ANO3: variants seen among roughly 807,000 people sequenced by gnomAD.
ANO3 encodes the protein anoctamin-3.
A neutral mutation model predicts 144.8 loss-of-function variants in ANO3; 99 were observed. The ratio of observed to expected loss-of-function variants is 0.68; its 90% confidence interval spans 0.58 to 0.81. The LOEUF is 0.81. ANO3 is among the 30% of genes least tolerant of loss of function. The probability of loss-of-function intolerance (pLI) is 0.00; values close to 1 mark genes in which losing one functional copy is unlikely to be tolerated. For synonymous variants in ANO3, 414 were observed against 392.6 expected (o/e 1.05, Z -0.64); for missense variants, 905 against 1,202.2 (o/e 0.75, Z 3.66).
chr11:26,514,698 C>T (rs897900527), intron 5 of ANO3, among the ~76,000 whole-genome samples: 7 of 152,116 alleles, frequency 4.6e-5, no homozygotes, highest in African/African-American at 9.6e-5. Context: ...TGATTTCAAA[C>T]GAAGGATCTT....
chr11:26,245,018 T>TGTGTGC lies in ANO3; in HGVS notation c.154+55691_154+55692insTGCGTG, dbSNP rs151031559. 3.1e-3 allele frequency among the ~76,000 whole-genome samples: 451 copies of TGTGTGC among 145,424 alleles called. 8 individuals carry two copies. The highest frequency in any genetic ancestry group is 3.5e-3 in the Middle Eastern group (1 of 284). On this transcript the variant is annotated intron_variant, in intron 1 of 27. Transcript: ENST00000672621. Reference sequence around the variant, plus strand: ...GTGTGTGTGTGTGTGTGTGTGTGTGTGTGCATGCATGCATTTGTCTTTCAT... The same window carrying TGTGTGC: ...GTGTGTGTGTGTGTGTGTGTGTGTGTGTGTGCGTGCATGCATGCATTTGTCTTTCAT...
At chr11:26,544,631 A>C (rs926124023) in intron 11 of ANO3, among the ~76,000 whole-genome samples, 1 of 151,954 alleles carries the variant, frequency 6.6e-6, no homozygotes, top group Non-Finnish European at 1.5e-5. Context: ...GAGGTAATGC[A>C]TATGTTAATT....
At chr11:26,595,300 CT>C (rs1364569580) in intron 14 of ANO3, among the ~76,000 whole-genome samples, 4 of 152,116 alleles carry the variant, frequency 2.6e-5, no homozygotes, top group Non-Finnish European at 5.9e-5. Context: ...CCAACATTGC[CT>C]TTGGCTCAGG....
chr11:26,476,119 C>T (rs867031638), intron 4 of ANO3, among the ~76,000 whole-genome samples: 24 of 152,200 alleles, frequency 1.6e-4, no homozygotes, highest in Non-Finnish European at 2.9e-4. Flanking sequence ...CTTCAGTGCA[C>T]ACTATTTTGA....
intron 1 of ANO3, among the ~76,000 whole-genome samples, chr11:26,222,830 G>C (rs1374596745): frequency 6.6e-6 from 1 of 152,188 alleles, no homozygotes; most frequent in African/African-American, 2.4e-5. Flanking sequence ...TCAGGGTGGT[G>C]TAGGGCAGTG....
chr11:26,451,217 G>A (rs1375413033), intron 3 of ANO3, among the ~76,000 whole-genome samples: 1 of 152,210 alleles, frequency 6.6e-6, no homozygotes, highest in African/African-American at 2.4e-5. Flanking sequence ...TCACTAGGGA[G>A]TGCCAGACAG....
chr11:26,267,401 A>G (rs921988249), intron 1 of ANO3, among the ~76,000 whole-genome samples: 1 of 152,186 alleles, frequency 6.6e-6, no homozygotes, highest in Non-Finnish European at 1.5e-5. Flanking sequence ...CATGTCAAGT[A>G]TTTCCTTCTA....
At chr11:26,463,900 T>A (rs1859505322) in intron 4 of ANO3, among the ~76,000 whole-genome samples, 1 of 149,556 alleles carries the variant, frequency 6.7e-6, no homozygotes, top group Admixed American at 6.7e-5. Flanking sequence ...TAAGCTCACT[T>A]TTTTTTTTTC....
At position 26,598,919 on chromosome 11, in the gene ANO3, C is replaced by T. The variant is rs1352571478; in HGVS notation, c.1592C>T (p.Thr531Met). ...YYKMEIVNPI[T>M]GKPEPHQPSS... ...AAGATGGAGATTGTAAATCCCATCA[C>T]GGGAAAACCTGAACCACATCAGCCT... Residue 531 changes from threonine (T) to methionine (M), a missense_variant, in exon 16 of 27, where the codon ACG becomes ATG. Thr to Met is a moderately conservative substitution (Grantham distance 81). This residue lies in a region of ANO3 where 597 missense variants were observed against 865.1 expected (regional missense o/e 0.69). Transcript: ENST00000256737. 4 of 1,613,692 alleles carry T rather than the reference C, an allele frequency of 2.5e-6. No homozygotes were observed. Among genetic ancestry groups the T allele is most frequent in the Admixed American group, 3.3e-5 (2 of 59,970 alleles).
chr11:26,614,279 G>C lies in ANO3; in HGVS notation c.1837-10183G>C, dbSNP rs536606384. Among the ~76,000 whole-genome samples, 77 of 152,312 alleles carry C rather than the reference G, an allele frequency of 5.1e-4. 1 individual carries two copies. Among genetic ancestry groups the C allele is most frequent in the African/African-American group, 1.7e-3 (71 of 41,578 alleles). On this transcript the variant is annotated intron_variant, in intron 17 of 26. Coordinates refer to ENST00000256737, the MANE Select transcript of ANO3 (RefSeq NM_031418.4). ...TGCACATGGATGTGATGGCTAGCAG[G>C]CTGTTCAGCCACTTTCCTGCTGTGC...
intron 17 of ANO3, among the ~76,000 whole-genome samples, chr11:26,612,620 A>G (rs1266092751): frequency 2.0e-5 from 3 of 151,714 alleles, no homozygotes; most frequent in Non-Finnish European, 4.4e-5. Context: ...TTTCTTGACA[A>G]TAATTATATT....
At chr11:26,632,194 GAA>G (rs112398235) in intron 18 of ANO3, among the ~76,000 whole-genome samples, 1 of 133,116 alleles carries the variant, frequency 7.5e-6, no homozygotes, top group Non-Finnish European at 1.6e-5. Flanking sequence ...TCCATCTCAA[GAA>G]AAAAAAAAAA....
intron 21 of ANO3, among the ~76,000 whole-genome samples, chr11:26,641,526 G>T (rs1853150362): frequency 6.6e-6 from 1 of 152,104 alleles, no homozygotes; most frequent in Non-Finnish European, 1.5e-5. Flanking sequence ...TATTTCTATA[G>T]GTGGGGAGAG....
At chr11:26,300,345 A>T (rs1441037329) in intron 1 of ANO3, among the ~76,000 whole-genome samples, 1 of 151,684 alleles carries the variant, frequency 6.6e-6, no homozygotes, top group Non-Finnish European at 1.5e-5. Flanking sequence ...TTTTGGCTCC[A>T]TCTCTCTCTC....
At chr11:26,334,435 C>T (rs901362075) in intron 1 of ANO3, among the ~76,000 whole-genome samples, 11 of 152,186 alleles carry the variant, frequency 7.2e-5, no homozygotes, top group African/African-American at 2.7e-4. Context: ...AACAACAAAA[C>T]ATTCAGATGT....
At chr11:26,236,593 C>T (rs1412533585) in intron 1 of ANO3, among the ~76,000 whole-genome samples, 3 of 152,032 alleles carry the variant, frequency 2.0e-5, no homozygotes, top group Non-Finnish European at 4.4e-5. Context: ...CCAAGGTGGG[C>T]GGATCACGAG....
At chr11:26,253,657 T>C (rs1564935227) in intron 1 of ANO3, among the ~76,000 whole-genome samples, 1 of 152,010 alleles carries the variant, frequency 6.6e-6, no homozygotes, top group East Asian at 1.9e-4. Context: ...AGGAATCAAA[T>C]GTTTGTTCTT....
intron 1 of ANO3, among the ~76,000 whole-genome samples, chr11:26,262,870 A>G (rs999335938): frequency 9.9e-5 from 15 of 152,110 alleles, no homozygotes; most frequent in African/African-American, 3.4e-4. Context: ...TGGGCTTCTC[A>G]GCTTTCAGAA....
rs111774266 is a variant in ANO3, at chr11:26,628,715, A to G, written c.1873+4217A>G. Among the ~76,000 whole-genome samples, 26 of 152,298 alleles carry G rather than the reference A, an allele frequency of 1.7e-4. 1 individual carries two copies. The highest frequency in any genetic ancestry group is 6.3e-4 in the African/African-American group (26 of 41,568). On this transcript the variant is annotated intron_variant, in intron 18 of 26. Coordinates refer to ENST00000256737, the MANE Select transcript of ANO3 (RefSeq NM_031418.4). ...ACTTAGTAGCTCAGGACAACAACTT[A>G]TTATTTTTAATGATCCTGCAATTTA...
Sources: allele counts gnomAD v4.1 joint callset (sites outside exome capture counted in the v4.1 genomes callset), GRCh38; gene constraint gnomAD v4.1.1; regional missense constraint gnomAD v4.1.1; transcripts MANE v1.5; gene names NCBI Gene and HGNC (gene_info 2026-07-23, HGNC 2026-07-21).